CHEK1: variants seen among roughly 807,000 people sequenced by gnomAD.
CHEK1 encodes serine/threonine-protein kinase Chk1.
A neutral mutation model predicts 60.2 loss-of-function variants in CHEK1; 32 were observed. The ratio of observed to expected loss-of-function variants is 0.53; its 90% CI spans 0.40 to 0.71. CHEK1 has a LOEUF of 0.71. Among genes scored for constraint, CHEK1 ranks in the 30% least tolerant of loss-of-function variants. The pLI is 0.00. For synonymous variants in CHEK1, 179 were observed against 187.2 expected (o/e 0.96, Z 0.36); for missense variants, 399 against 564.6 (o/e 0.71, Z 2.97).
downstream of CHEK1, among the ~76,000 whole-genome samples, chr11:125,660,836 C>T (rs191657912): frequency 6.4e-3 from 968 of 151,870 alleles, 9 homozygotes; most frequent in African/African-American, 0.022. Flanking sequence ...AGTGAAATGG[C>T]GCGATCTTGG....
Position 125,627,820 on chromosome 11 carries a change from T to C in CHEK1, c.279T>C (p.Phe93=). Residue 93 remains phenylalanine (F), a synonymous_variant, in exon 3 of 13, where the codon TTT becomes TTC. Transcript: ENST00000438015. ...FLEYCSGGEL[F]DRIEPDIGMP... is the part of the protein sequence containing the mutation. ...AGTACTGTAGTGGAGGAGAGCTTTT[T>C]GACAGAATAGGTATGGAAGAAATTT... The C allele has an allele frequency of 6.3e-7, 1 of 1,594,992 alleles. No homozygotes were observed. The highest frequency in any genetic ancestry group is 2.2e-5 in the East Asian group (1 of 44,508).
chr11:125,664,232 A>AT (rs34554687), intron 13 of CHEK1, among the ~76,000 whole-genome samples: 24,629 of 129,318 alleles, frequency 0.19, 2,722 homozygotes, highest in African/African-American at 0.28. Context: ...ATGTTGAACT[A>AT]TTTTTTTTTT....
chr11:125,653,180 A>G lies in CHEK1; in HGVS notation c.1234-566A>G, dbSNP rs1194567320. 6.6e-6 allele frequency among the ~76,000 whole-genome samples: 1 copy of G among 152,078 alleles called. No individual in the cohort carries two copies. Among genetic ancestry groups the G allele is most frequent in the Non-Finnish European group, 1.5e-5 (1 of 68,024 alleles). On this transcript the variant is annotated intron_variant, in intron 11 of 12. Coordinates refer to ENST00000438015, the MANE Select transcript of CHEK1 (RefSeq NM_001114122.3). The surrounding 1 kb of genome is among the most constrained non-coding windows in gnomAD (Gnocchi z 4.3). ...ATGGCTGAGTAGTATTTCATTGTGTATATATATCATATTATCCTCATCTGT... is the reference window on the plus strand; with the variant it reads ...ATGGCTGAGTAGTATTTCATTGTGTGTATATATCATATTATCCTCATCTGT...
At chr11:125,638,788 CTT>C (rs770638351) in intron 8 of CHEK1, among the ~76,000 whole-genome samples, 19 of 152,228 alleles carry the variant, frequency 1.2e-4, no homozygotes, top group Admixed American at 3.3e-4. Context: ...CAAAATGACT[CTT>C]GATGTTATTT....
chr11:125,663,595 T>A (rs997532158), intron 13 of CHEK1, among the ~76,000 whole-genome samples: 2 of 152,170 alleles, frequency 1.3e-5, no homozygotes, highest in Non-Finnish European at 2.9e-5. Flanking sequence ...TTGCAAATAT[T>A]TTCTTCCTTT....
At chr11:125,644,298 G>T (rs1303447623) in intron 10 of CHEK1, 30 bp downstream of exon 10, 3 of 1,577,438 alleles carry the variant, frequency 1.9e-6, no homozygotes, top group African/African-American at 1.4e-5. Context: ...TAAAAGTAAT[G>T]GCAGCTCTTT....
intron 5 of CHEK1, among the ~76,000 whole-genome samples, chr11:125,631,678 C>T (rs1250888255): frequency 2.0e-5 from 3 of 151,316 alleles, no homozygotes; most frequent in South Asian, 2.1e-4. Context: ...ACAACATAGA[C>T]CCTGTCTTTA....
At chr11:125,638,302 G>C (rs957279836) in intron 8 of CHEK1, among the ~76,000 whole-genome samples, 3 of 152,080 alleles carry the variant, frequency 2.0e-5, no homozygotes, top group Non-Finnish European at 4.4e-5. Context: ...TTTTCTGCTA[G>C]TTGTCTAGAA....
At chr11:125,636,781 T>G (rs1039739988) in intron 7 of CHEK1, among the ~76,000 whole-genome samples, 3 of 152,094 alleles carry the variant, frequency 2.0e-5, no homozygotes, top group African/African-American at 7.2e-5. Context: ...TTTCACAATT[T>G]ATCATTTATT....
intron 13 of CHEK1, among the ~76,000 whole-genome samples, chr11:125,665,869 C>CTTTTTTTTT (rs66560397): frequency 0.015 from 467 of 30,506 alleles, 1 homozygote; most frequent in African/African-American, 0.018. Context: ...CTTCATTCCC[C>CTTTTTTTTT]TTTTTTTTTT....
At position 125,627,762 on chromosome 11, in the gene CHEK1, G is replaced by A; in HGVS notation, c.221G>A (p.Arg74Lys). ...HENVVKFYGH[R>K]REGNIQYLFL... ...AATGTAGTAAAATTCTATGGTCACA[G>A]GAGAGAAGGCAATATCCAATATTTA... The change falls in exon 3 of 13, where the codon AGG (arginine) becomes AAG (lysine). Residue 74 changes from arginine (R) to lysine (K), a missense_variant. Arg to Lys is a conservative substitution (Grantham distance 26). This residue lies in a region of CHEK1 where 370 missense variants were observed against 494.8 expected (regional missense o/e 0.75). Coordinates refer to ENST00000438015, the MANE Select transcript of CHEK1 (RefSeq NM_001114122.3). The A allele has an allele frequency of 6.2e-7, 1 of 1,613,300 alleles. No individual in the cohort carries two copies.
At chr11:125,668,266 T>G (rs1942134282) in intron 13 of CHEK1, among the ~76,000 whole-genome samples, 1 of 152,208 alleles carries the variant, frequency 6.6e-6, no homozygotes, top group African/African-American at 2.4e-5. Context: ...TCATTTGGAA[T>G]AGTTCCTCGA....
At chr11:125,645,694 C>G (rs549144927) in intron 11 of CHEK1, among the ~76,000 whole-genome samples, 1 of 151,978 alleles carries the variant, frequency 6.6e-6, no homozygotes, top group Admixed American at 6.5e-5. Context: ...AGTGTCAAAG[C>G]AAAGTTGAAG....
intron 13 of CHEK1, among the ~76,000 whole-genome samples, chr11:125,667,733 G>A (rs1163699861): frequency 6.6e-6 from 1 of 152,076 alleles, no homozygotes; most frequent in Non-Finnish European, 1.5e-5. Flanking sequence ...CAATTCTTGT[G>A]TCTCAGCCTC....
rs1042155363 is a variant in CHEK1 at position 125,649,316 on chromosome 11, A to G, written c.1234-4430A>G. ...ACCCTCCTGCCTTGGCCTCCCAAGT[A>G]GGTGGGACTGCAGGCATGTACCACC... is the stretch of plus-strand genomic sequence containing the variant. On this transcript the variant is annotated intron_variant, in intron 11 of 12. Coordinates refer to ENST00000438015, the MANE Select transcript of CHEK1 (RefSeq NM_001114122.3). Among the ~76,000 whole-genome samples the G allele has an allele frequency of 3.9e-5, 6 of 152,164 alleles. No individual in the cohort carries two copies. The East Asian group carries it at 1.2e-3, about 29-fold the overall frequency.
At chr11:125,639,382 C>CTTTT (rs367756024) in intron 8 of CHEK1, among the ~76,000 whole-genome samples, 1,098 of 106,330 alleles carry the variant, frequency 0.01, 54 homozygotes, top group African/African-American at 0.021. Context: ...ATACTTTTCT[C>CTTTT]TTTTTTTTTT....
chr11:125,660,055 C>CGT (rs1323995485), downstream of CHEK1, among the ~76,000 whole-genome samples: 3 of 151,828 alleles, frequency 2.0e-5, no homozygotes, highest in African/African-American at 7.3e-5. Context: ...TTTTCGTGTG[C>CGT]GTGTGTGTGT....
At chr11:125,627,271 C>A (rs1191648057) in intron 2 of CHEK1, among the ~76,000 whole-genome samples, 1 of 152,184 alleles carries the variant, frequency 6.6e-6, no homozygotes, top group Non-Finnish European at 1.5e-5. Context: ...CAGTCAGTTA[C>A]ACAAGCACAT....
intron 6 of CHEK1, among the ~76,000 whole-genome samples, chr11:125,633,826 A>T (rs1024247173): frequency 1.3e-5 from 2 of 152,232 alleles, no homozygotes; most frequent in South Asian, 2.1e-4. Flanking sequence ...TAGACTGCAT[A>T]GCTTATAAAC....
Sources: allele counts gnomAD v4.1 joint callset (sites outside exome capture counted in the v4.1 genomes callset), GRCh38; gene constraint gnomAD v4.1.1; regional missense constraint gnomAD v4.1.1; non-coding constraint Gnocchi (gnomAD v3.1); transcripts MANE v1.5; gene names NCBI Gene and HGNC (gene_info 2026-07-23, HGNC 2026-07-21).